The following ALKBH3 variants were observed in gnomAD, a reference collection of about 807,000 sequenced individuals.
The protein encoded by ALKBH3 is alkB homolog 3, alpha-ketoglutarate dependent dioxygenase, also known as alpha-ketoglutarate-dependent dioxygenase alkB homolog 3.
ALKBH3 carries 51 observed loss-of-function variants against 43.9 expected under a neutral mutation model. The observed-to-expected ratio is 1.16, with a 90% CI of 0.93 to 1.47. The LOEUF is 1.47. Ranked by LOEUF, ALKBH3 falls within the 40% of genes most tolerant of loss-of-function variation. The pLI, the probability that ALKBH3 is intolerant of heterozygous loss-of-function variation, is 0.00. For missense variants in ALKBH3, 361 were observed against 351.9 expected, an observed-to-expected ratio of 1.03 and a Z score of -0.21; for synonymous variants, 102 against 115.2, an observed-to-expected ratio of 0.89 and a Z score of 0.73.
chr11:43,912,578 A>T (rs910305593), intron 8 of ALKBH3: 2 of 152,150 alleles, frequency 1.3e-5, no homozygotes, highest in Non-Finnish European at 2.9e-5. Context: ...ACAGAGATGG[A>T]GGTTTTTCTA....
At chr11:43,887,372 A>G (rs946772496) in intron 5 of ALKBH3, among the ~76,000 whole-genome samples, 1 of 152,156 alleles carries the variant, frequency 6.6e-6, no homozygotes, top group African/African-American at 2.4e-5. Context: ...CAATGGTGCT[A>G]TCTTGGCTCA....
At chr11:43,899,359 C>T in intron 7 of ALKBH3, 1 of 698,514 alleles carries the variant, frequency 1.4e-6, no homozygotes, top group Non-Finnish European at 2.7e-6. Flanking sequence ...CCATCAGCAG[C>T]CTGCCCCAGG....
intron 7 of ALKBH3, chr11:43,898,092 C>A: frequency 9.6e-7 from 1 of 1,037,488 alleles, no homozygotes; most frequent in East Asian, 2.4e-5. Context: ...GTGGCGATGC[C>A]CTCAGCAGCC....
intron 7 of ALKBH3, among the ~76,000 whole-genome samples, chr11:43,895,969 G>C (rs1951815571): frequency 6.6e-6 from 1 of 152,160 alleles, no homozygotes; most frequent in Non-Finnish European, 1.5e-5. Flanking sequence ...TGTACCTAAA[G>C]TACTCCAGCT....
At chr11:43,902,926 G>C (rs908459575) in intron 8 of ALKBH3, among the ~76,000 whole-genome samples, 2 of 152,192 alleles carry the variant, frequency 1.3e-5, no homozygotes. Flanking sequence ...ACCTAAGCCA[G>C]ACCACATCAT....
intron 4 of ALKBH3, among the ~76,000 whole-genome samples, chr11:43,884,373 CTCTT>C (rs1489071972): frequency 1.9e-5 from 2 of 103,706 alleles, no homozygotes; most frequent in African/African-American, 6.4e-5. Context: ...CATTAATTGC[CTCTT>C]TTTTTTTTTT....
chr11:43,912,405 C>T (rs1048036992), intron 8 of ALKBH3: 1 of 152,110 alleles, frequency 6.6e-6, no homozygotes, highest in Admixed American at 6.5e-5. Flanking sequence ...AAAAGGGCCC[C>T]CTATAGCGTG....
chr11:43,896,266 GATACACACACAC>G lies in ALKBH3; in HGVS notation c.459+4139_459+4150del, dbSNP rs1382767230. On this transcript the variant is annotated intron_variant, in intron 7 of 9. Transcript: ENST00000302708. Reference sequence around the variant, plus strand: ...CTAGAGGGACAGAACTAATAGGATAGATACACACACACACACACACACACACACACACACGTA... The same window carrying G: ...CTAGAGGGACAGAACTAATAGGATAGACACACACACACACACACACACGTA... Among the ~76,000 whole-genome samples, 3 of 117,554 alleles carry G rather than the reference GATACACACACAC, an allele frequency of 2.6e-5. No individual in the cohort carries two copies. In the South Asian group the frequency reaches 9.7e-4, roughly 38 times the overall value. 77.1% of individuals were successfully genotyped at this position (117,554 alleles called of 152,430 possible). A position where few individuals can be genotyped will look rare whatever the true frequency, so the allele number is the denominator to read the frequency against.
At chr11:43,919,162 C>T (rs759998604) in intron 9 of ALKBH3, 26 bp downstream of exon 9, 2 of 1,579,324 alleles carry the variant, frequency 1.3e-6, no homozygotes, top group Admixed American at 3.3e-5. Flanking sequence ...TAATATGAAT[C>T]TGCTTTCATG....
At position 43,919,985 on chromosome 11, in the gene ALKBH3, C is replaced by G. The variant is rs370003654; in HGVS notation, c.836C>G (p.Pro279Arg). 6 of 1,613,980 alleles carry G rather than the reference C, an allele frequency of 3.7e-6. No individual in the cohort carries two copies. Among genetic ancestry groups the G allele is most frequent in the South Asian group, 3.3e-5 (3 of 91,076 alleles). ...AACCTGACCTTTCGGACAGTCTATC[C>G]AGACCCTCGAGGGGCACCCTGGTGA... ...RVNLTFRTVYPDPRGAPW is the reference protein window; with the variant it reads ...RVNLTFRTVYRDPRGAPW Residue 279 changes from proline to arginine, a missense_variant, in exon 10 of 10, where the codon CCA (proline) becomes CGA (arginine). Pro to Arg is a moderately radical substitution (Grantham distance 103, BLOSUM62 -2). Transcript: ENST00000302708.
chr11:43,891,999 A>C (rs746764671), intron 6 of ALKBH3, 42 bp from the exon 7 acceptor site: 3 of 1,499,228 alleles, frequency 2.0e-6, no homozygotes, highest in Non-Finnish European at 2.8e-6. Flanking sequence ...AACACCTTAA[A>C]TAGCATTAAA....
intron 8 of ALKBH3, among the ~76,000 whole-genome samples, chr11:43,911,180 G>T (rs991862017): frequency 5.3e-5 from 8 of 152,258 alleles, no homozygotes; most frequent in African/African-American, 1.9e-4. Context: ...GTAGGTGGTT[G>T]TAGTCATCGC....
At position 43,919,118 on chromosome 11, in the gene ALKBH3, GAC is replaced by G; in HGVS notation, c.754_755del (p.Gln252SerfsTer2). On this transcript the variant is annotated frameshift_variant, in exon 9 of 10. Coordinates refer to ENST00000302708, the MANE Select transcript of ALKBH3 (RefSeq NM_139178.4). LOFTEE classifies it high-confidence loss of function. ...HGTLLIMEGATQADWQHRVPK... is the reference protein window; with the variant it reads ...HGTLLIMEGAXQADWQHRVPK... ...GGACCTTGTTAATCATGGAAGGAGC[GAC>G]ACAAGCTGACTGGCAGGTGAGGATC... 6.2e-7 allele frequency: 1 copy of G among 1,612,860 alleles called. No individual in the cohort carries two copies. The highest frequency in any genetic ancestry group is 1.3e-5 in the African/African-American group (1 of 75,032).
At chr11:43,892,419 G>C (rs931910035) in intron 7 of ALKBH3, among the ~76,000 whole-genome samples, 12 of 152,084 alleles carry the variant, frequency 7.9e-5, no homozygotes, top group Non-Finnish European at 1.5e-4. Flanking sequence ...TTCCTTCTGT[G>C]TACACCCTGG....
At chr11:43,899,466 T>C in intron 7 of ALKBH3, 1 of 702,760 alleles carries the variant, frequency 1.4e-6, no homozygotes, top group Non-Finnish European at 2.7e-6. Context: ...AGAGGTTCCA[T>C]GACGAGCCTG....
chr11:43,898,188 G>A (rs1028091599), intron 7 of ALKBH3: 17 of 1,215,670 alleles, frequency 1.4e-5, no homozygotes, highest in South Asian at 4.8e-5. Context: ...ATTTGACTCC[G>A]CTGCAGGAGA....
rs34147352 is a variant in ALKBH3 at position 43,884,013 on chromosome 11, A to G, written c.214A>G (p.Ile72Val). 32 of 1,613,844 alleles carry G rather than the reference A, an allele frequency of 2.0e-5. No individual in the cohort carries two copies. In the African/African-American group the frequency reaches 3.7e-4, roughly 19 times the overall value. ...ACGTAGAGCTCCTGAGCCACGAGTG[A>G]TTGAGTAAGTAATTTGCTGTCTTCC... ...VVRRAPEPRV[I>V]DREGVYEISL... is the part of the protein sequence containing the mutation. The change falls in exon 4 of 10, where the codon ATT (isoleucine) becomes GTT (valine). Residue 72 changes from isoleucine to valine, a missense_variant. Coordinates refer to ENST00000302708, the MANE Select transcript of ALKBH3 (RefSeq NM_139178.4).
intron 8 of ALKBH3, 64 bp downstream of exon 8, chr11:43,901,789 C>T: frequency 7.1e-6 from 11 of 1,545,074 alleles, no homozygotes; most frequent in Non-Finnish European, 9.7e-6. Flanking sequence ...AAGTAGAACT[C>T]CTAAAAGCTT....
intron 4 of ALKBH3, among the ~76,000 whole-genome samples, chr11:43,885,903 G>T (rs773202247): frequency 6.6e-6 from 1 of 152,182 alleles, no homozygotes; most frequent in Non-Finnish European, 1.5e-5. Flanking sequence ...GTTTAAAGGC[G>T]GTGATGCTGA....
Sources: allele counts gnomAD v4.1 joint callset (sites outside exome capture counted in the v4.1 genomes callset), GRCh38; gene constraint gnomAD v4.1.1; transcripts MANE v1.5; gene names NCBI Gene and HGNC (gene_info 2026-07-23, HGNC 2026-07-21).